The following VWC2L variants were observed in gnomAD, a reference collection of about 807,000 sequenced individuals.
VWC2L encodes von Willebrand factor C domain-containing protein 2-like.
Under a neutral mutation model 21.6 loss-of-function variants are expected in VWC2L, and 10 were observed. The observed-to-expected ratio is 0.46, with a 90% CI of 0.29 to 0.78. The LOEUF (loss-of-function observed/expected upper bound fraction) is 0.78. VWC2L is among the 30% of genes least tolerant of loss of function. VWC2L has a pLI of 0.10. For synonymous variants in VWC2L, 96 were observed against 94.3 expected, an observed-to-expected ratio of 1.02 and a Z score of -0.10; for missense variants, 209 against 277.1, an observed-to-expected ratio of 0.75 and a Z score of 1.74.
At chr2:214,481,922 C>G (rs1688608251) in intron 3 of VWC2L, among the ~76,000 whole-genome samples, 1 of 152,108 alleles carries the variant, frequency 6.6e-6, no homozygotes, top group Non-Finnish European at 1.5e-5. Context: ...TGTAAATGTT[C>G]TTAGTTAACA....
At chr2:214,522,021 T>C (rs1282785550) in intron 3 of VWC2L, among the ~76,000 whole-genome samples, 1 of 152,186 alleles carries the variant, frequency 6.6e-6, no homozygotes, top group Admixed American at 6.5e-5. Context: ...TTATAAATGA[T>C]GTTTACTTCA....
At chr2:214,468,524 G>C (rs553777975) in intron 3 of VWC2L, among the ~76,000 whole-genome samples, 156 of 152,032 alleles carry the variant, frequency 1.0e-3, no homozygotes, top group African/African-American at 3.7e-3. Context: ...TAAATACAAT[G>C]AAACATTTCT....
chr2:214,517,138 A>G (rs1446703451), intron 3 of VWC2L, among the ~76,000 whole-genome samples: 1 of 152,214 alleles, frequency 6.6e-6, no homozygotes, highest in African/African-American at 2.4e-5. Flanking sequence ...TCGTTGTTCT[A>G]ATCTTTGCTC....
At chr2:214,449,090 T>G (rs1702915122) in intron 3 of VWC2L, among the ~76,000 whole-genome samples, 1 of 152,208 alleles carries the variant, frequency 6.6e-6, no homozygotes, top group African/African-American at 2.4e-5. Context: ...TGCTCCACCT[T>G]GGGAAAATAT....
intron 3 of VWC2L, among the ~76,000 whole-genome samples, chr2:214,462,553 T>A (rs1381292036): frequency 6.6e-6 from 1 of 152,218 alleles, no homozygotes; most frequent in African/African-American, 2.4e-5. Context: ...CCTCTCATTC[T>A]TGATGTTGAT....
Position 214,414,163 on chromosome 2 carries a change from G to A in VWC2L, c.-31G>A. On this transcript the variant is annotated 5_prime_UTR_variant, in exon 2 of 4. Transcript: ENST00000312504. ...AAGGAGCTGAGTATATTTAATATTA[G>A]GAGCACATCCAGAAGTCTTTGAAGA... 6.3e-7 allele frequency: 1 copy of A among 1,583,028 alleles called. No individual in the cohort carries two copies. The highest frequency in any genetic ancestry group is 8.5e-7 in the Non-Finnish European group (1 of 1,172,570).
intron 3 of VWC2L, among the ~76,000 whole-genome samples, chr2:214,507,230 T>C (rs779044185): frequency 3.3e-4 from 50 of 152,180 alleles, no homozygotes; most frequent in Admixed American, 1.4e-3. Flanking sequence ...TTTAACATTG[T>C]TAAGGGAATC....
At chr2:214,497,518 A>G (rs1688829294) in intron 3 of VWC2L, among the ~76,000 whole-genome samples, 1 of 152,176 alleles carries the variant, frequency 6.6e-6, no homozygotes, top group Admixed American at 6.5e-5. Context: ...TCATTGCTGC[A>G]GTATGGAATT....
chr2:214,462,702 T>C (rs187007437), intron 3 of VWC2L, among the ~76,000 whole-genome samples: 1 of 152,328 alleles, frequency 6.6e-6, no homozygotes, highest in Non-Finnish European at 1.5e-5. Context: ...AATTTCCTCT[T>C]CTTTTTGCAG....
intron 3 of VWC2L, among the ~76,000 whole-genome samples, chr2:214,511,058 G>A (rs1015719261): frequency 3.9e-5 from 6 of 151,964 alleles, no homozygotes; most frequent in African/African-American, 7.3e-5. Context: ...AGGCCAAGGC[G>A]GAAGGATCAC....
At chr2:214,503,342 CTTAATT>C (rs774022542) in intron 3 of VWC2L, among the ~76,000 whole-genome samples, 16 of 151,584 alleles carry the variant, frequency 1.1e-4, no homozygotes, top group South Asian at 2.1e-4. Flanking sequence ...CATGAAAATA[CTTAATT>C]TTAATCAGAA....
intron 3 of VWC2L, among the ~76,000 whole-genome samples, chr2:214,533,597 TAACA>T (rs1689476978): frequency 6.8e-6 from 1 of 147,222 alleles, no homozygotes; most frequent in African/African-American, 2.5e-5. Flanking sequence ...AAAAAACAAA[TAACA>T]GACAGGATCC....
At chr2:214,454,730 G>T (rs1703030351) in intron 3 of VWC2L, among the ~76,000 whole-genome samples, 1 of 148,252 alleles carries the variant, frequency 6.7e-6, no homozygotes, top group Non-Finnish European at 1.5e-5. Flanking sequence ...CAGCCTCCGA[G>T]TAGCTGGGAC....
intron 3 of VWC2L, among the ~76,000 whole-genome samples, chr2:214,564,378 A>T (rs1283398894): frequency 6.6e-6 from 1 of 152,254 alleles, no homozygotes; most frequent in African/African-American, 2.4e-5. Flanking sequence ...CTAAACAAAA[A>T]GAACAAAGCT....
chr2:214,472,805 TCATA>T (rs1703329281), intron 3 of VWC2L, among the ~76,000 whole-genome samples: 1 of 152,190 alleles, frequency 6.6e-6, no homozygotes, highest in South Asian at 2.1e-4. Flanking sequence ...AACAAGTCTA[TCATA>T]CAAGTCATTG....
At chr2:214,508,793 T>G (rs138456380) in intron 3 of VWC2L, among the ~76,000 whole-genome samples, 326 of 152,324 alleles carry the variant, frequency 2.1e-3, no homozygotes, top group Middle Eastern at 6.8e-3. Context: ...AATTTTGTGT[T>G]TTTTTGGTTT....
At chr2:214,496,208 CATAG>C (rs891674751) in intron 3 of VWC2L, among the ~76,000 whole-genome samples, 8 of 109,140 alleles carry the variant, frequency 7.3e-5, no homozygotes, top group African/African-American at 2.5e-4. Flanking sequence ...TGTATCTAAT[CATAG>C]ATAAAGTACA....
chr2:214,521,780 A>G (rs1397686829), intron 3 of VWC2L, among the ~76,000 whole-genome samples: 1 of 152,224 alleles, frequency 6.6e-6, no homozygotes, highest in African/African-American at 2.4e-5. Flanking sequence ...CTCAGCACAC[A>G]TCATCTTGGC....
At chr2:214,550,769 C>T (rs1689781320) in intron 3 of VWC2L, among the ~76,000 whole-genome samples, 1 of 152,130 alleles carries the variant, frequency 6.6e-6, no homozygotes, top group Non-Finnish European at 1.5e-5. Flanking sequence ...GGTTTTTGAT[C>T]CTGCTCATTT....
Sources: gnomAD v4.1 joint callset for allele counts (sites outside exome capture counted in the v4.1 genomes callset) on GRCh38, gnomAD v4.1.1 for gene constraint, MANE v1.5 for transcripts, NCBI Gene and HGNC (gene_info 2026-07-23, HGNC 2026-07-21) for gene names.